The following CSMD1 variants were observed in gnomAD, a reference collection of about 807,000 sequenced individuals.
The protein encoded by CSMD1 is CUB and Sushi multiple domains 1, also known as CUB and sushi domain-containing protein 1.
CSMD1 carries 213 observed loss-of-function variants against 417.5 expected under a neutral mutation model. The ratio of observed to expected loss-of-function variants is 0.51; its 90% CI spans 0.46 to 0.57. CSMD1 has a LOEUF of 0.57. Ranked by LOEUF, CSMD1 falls within the 20% of genes least tolerant of loss-of-function variation. The pLI, the probability that CSMD1 is intolerant of heterozygous loss-of-function variation, is 0.00. For synonymous variants in CSMD1, 2,862 were observed against 1,736.8 expected, an observed-to-expected ratio of 1.65 and a Z score of -16.11; for missense variants, 6,923 against 4,529.7, an observed-to-expected ratio of 1.53 and a Z score of -15.17.
At chr8:3,242,093 A>C (rs1799570659) in intron 26 of CSMD1, among the ~76,000 whole-genome samples, 1 of 142,008 alleles carries the variant, frequency 7.0e-6, no homozygotes. Context: ...GATTTGGGAT[A>C]AAGAAAAAGG....
chr8:2,988,441 G>T (rs17728822), intron 54 of CSMD1, among the ~76,000 whole-genome samples: 5 of 152,124 alleles, frequency 3.3e-5, no homozygotes, highest in African/African-American at 9.7e-5. Flanking sequence ...ATCCTGAAAC[G>T]ATGTGAGACC....
chr8:3,213,452 C>G (rs1797724451), intron 30 of CSMD1, among the ~76,000 whole-genome samples: 1 of 152,116 alleles, frequency 6.6e-6, no homozygotes, highest in Non-Finnish European at 1.5e-5. Context: ...GGAAGTCTAC[C>G]CTCCCACTCT....
chr8:3,703,030 C>T (rs755255513), intron 7 of CSMD1, among the ~76,000 whole-genome samples: 2 of 152,022 alleles, frequency 1.3e-5, no homozygotes, highest in African/African-American at 4.8e-5. Context: ...TAAAATAATT[C>T]AAAATTTAGA....
intron 8 of CSMD1, among the ~76,000 whole-genome samples, chr8:3,601,407 A>C (rs141040529): frequency 2.0e-5 from 3 of 152,334 alleles, no homozygotes; most frequent in Non-Finnish European, 4.4e-5. Flanking sequence ...GACGATGTTT[A>C]TGCTATCAAA....
intron 10 of CSMD1, among the ~76,000 whole-genome samples, chr8:3,553,022 G>A (rs7844793): frequency 0.52 from 78,304 of 151,626 alleles, 20,446 homozygotes; most frequent in East Asian, 0.62. Context: ...ATTACTGGTA[G>A]TTTTGCAGAA....
chr8:3,095,618 G>C (rs1815243150), intron 47 of CSMD1, among the ~76,000 whole-genome samples: 1 of 152,082 alleles, frequency 6.6e-6, no homozygotes, highest in Non-Finnish European at 1.5e-5. Flanking sequence ...TCAGTAAAGT[G>C]AATACAAACA....
At chr8:3,641,153 A>G (rs1243737321) in intron 7 of CSMD1, among the ~76,000 whole-genome samples, 4 of 151,040 alleles carry the variant, frequency 2.6e-5, no homozygotes, top group African/African-American at 9.7e-5. Flanking sequence ...CGGTTCTCTG[A>G]ATCTGCACAT....
chr8:4,294,076 C>T (rs930774864), intron 3 of CSMD1, among the ~76,000 whole-genome samples: 33 of 152,272 alleles, frequency 2.2e-4, no homozygotes, highest in African/African-American at 7.2e-4. Flanking sequence ...CGAAATACTG[C>T]GAAGTTGAAG....
chr8:3,349,717 G>A (rs532888350), intron 21 of CSMD1, among the ~76,000 whole-genome samples: 2 of 146,004 alleles, frequency 1.4e-5, no homozygotes, highest in African/African-American at 5.0e-5. Context: ...CTCACGAGTA[G>A]GTGTATATAT....
At chr8:4,109,919 G>T (rs1412360515) in intron 3 of CSMD1, among the ~76,000 whole-genome samples, 1 of 152,112 alleles carries the variant, frequency 6.6e-6, no homozygotes, top group African/African-American at 2.4e-5. Context: ...TTTGGGCACA[G>T]AAAATGAAAT....
intron 3 of CSMD1, among the ~76,000 whole-genome samples, chr8:4,240,501 G>C (rs1177796001): frequency 6.6e-6 from 1 of 152,176 alleles, no homozygotes; most frequent in Non-Finnish European, 1.5e-5. Flanking sequence ...CACAAAGCCT[G>C]CAGCAAGAAT....
chr8:3,902,150 G>A (rs2627424), intron 5 of CSMD1, among the ~76,000 whole-genome samples: 1 of 152,124 alleles, frequency 6.6e-6, no homozygotes, highest in South Asian at 2.1e-4. Context: ...CAATCTTCAA[G>A]CACTGTAGCA....
chr8:4,297,522 C>G (rs1455893548), intron 3 of CSMD1, among the ~76,000 whole-genome samples: 1 of 152,172 alleles, frequency 6.6e-6, no homozygotes, highest in Non-Finnish European at 1.5e-5. Context: ...GCTTCTATAG[C>G]TGTTAAACCC....
intron 2 of CSMD1, among the ~76,000 whole-genome samples, chr8:4,432,230 T>G (rs2128947737): frequency 6.6e-6 from 1 of 152,322 alleles, no homozygotes; most frequent in East Asian, 1.9e-4. Context: ...TCAAATGGGT[T>G]ATGAGAAAAC....
rs1346545437 is a variant in CSMD1 at position 4,764,687 on chromosome 8, A to G, written c.86-127129T>C. Among the ~76,000 whole-genome samples the G allele has an allele frequency of 2.0e-5, 3 of 149,990 alleles. No homozygotes were observed. The East Asian group carries it at 5.9e-4, about 29-fold the overall frequency. On this transcript the variant is annotated intron_variant, in intron 1 of 69. Transcript: ENST00000635120. ...TTTTCAAAACATAAAAATTTGTTAAAAAAAAAAAAACCCATCTCTACTAAA... is the reference window on the plus strand; with the variant it reads ...TTTTCAAAACATAAAAATTTGTTAAGAAAAAAAAAACCCATCTCTACTAAA...
At chr8:4,139,939 T>A (rs1803680600) in intron 3 of CSMD1, among the ~76,000 whole-genome samples, 1 of 149,114 alleles carries the variant, frequency 6.7e-6, no homozygotes, top group Non-Finnish European at 1.5e-5. Context: ...AAAGGAAGTG[T>A]GGATGGCAGC....
intron 1 of CSMD1, among the ~76,000 whole-genome samples, chr8:4,834,281 C>T (rs1286406493): frequency 1.3e-5 from 2 of 152,096 alleles, no homozygotes; most frequent in Admixed American, 6.6e-5. Context: ...TACCGAAAAT[C>T]ATTTATGTGC....
intron 3 of CSMD1, among the ~76,000 whole-genome samples, chr8:4,270,448 G>T (rs1432965189): frequency 1.3e-5 from 2 of 152,062 alleles, no homozygotes; most frequent in Non-Finnish European, 2.9e-5. Context: ...TATTTTCAAA[G>T]ATCACAGAGA....
chr8:4,210,790 C>G (rs1800260272), intron 3 of CSMD1, among the ~76,000 whole-genome samples: 1 of 152,074 alleles, frequency 6.6e-6, no homozygotes, highest in African/African-American at 2.4e-5. Context: ...TAAATACGAG[C>G]ATATCTACAA....
Sources: gnomAD v4.1 joint callset for allele counts (sites outside exome capture counted in the v4.1 genomes callset) on GRCh38, gnomAD v4.1.1 for gene constraint, MANE v1.5 for transcripts, NCBI Gene and HGNC (gene_info 2026-07-23, HGNC 2026-07-21) for gene names.